Variants in STX8 observed in about 807,000 individuals in gnomAD.
STX8 encodes the protein syntaxin 8.
In STX8, 23 loss-of-function variants were observed where a neutral mutation model predicts 37.5. That is an observed-to-expected ratio of 0.61 (90% confidence interval 0.44 to 0.87). The LOEUF (loss-of-function observed/expected upper bound fraction) is 0.87, where lower values mean the gene tolerates loss of function less well. Among genes scored for constraint, STX8 ranks in the 40% least tolerant of loss-of-function variants. STX8 has a pLI of 0.00. For synonymous variants in STX8, 115 were observed against 99.1 expected (o/e 1.16, Z -0.95); for missense variants, 313 against 284.7 (o/e 1.10, Z -0.71).
chr17:9,516,951 C>G (rs916018618), intron 4 of STX8, among the ~76,000 whole-genome samples: 1 of 151,994 alleles, frequency 6.6e-6, no homozygotes, highest in Non-Finnish European at 1.5e-5. Context: ...GGATATGATA[C>G]CCTTGTTATT....
At chr17:9,333,549 A>C (rs190914457) in intron 7 of STX8, among the ~76,000 whole-genome samples, 1 of 151,804 alleles carries the variant, frequency 6.6e-6, no homozygotes, top group African/African-American at 2.4e-5. Context: ...CACCACGCCC[A>C]GCTAATATTT....
chr17:9,356,512 C>T (rs999438987), intron 7 of STX8, among the ~76,000 whole-genome samples: 2 of 152,204 alleles, frequency 1.3e-5, no homozygotes, highest in African/African-American at 4.8e-5. Flanking sequence ...CTTCTCTGCT[C>T]AGTCATGCTG....
intron 7 of STX8, among the ~76,000 whole-genome samples, chr17:9,284,619 A>C (rs1908011156): frequency 6.6e-6 from 1 of 152,198 alleles, no homozygotes; most frequent in African/African-American, 2.4e-5. Flanking sequence ...AAGTGTATAA[A>C]GCTACTCTTG....
rs181662325 is a variant in STX8 at position 9,525,547 on chromosome 17, C to T, written c.323+19625G>A. On this transcript the variant is annotated intron_variant, in intron 4 of 7. Coordinates refer to ENST00000306357, the MANE Select transcript of STX8 (RefSeq NM_004853.3). ...ATTTTTAGTAGAGACGGGGTTTCAC[C>T]GTGTTAGCCAGGATGGTCTCGATCT... Among the ~76,000 whole-genome samples the T allele has an allele frequency of 1.3e-3, 200 of 152,018 alleles. 1 individual carries two copies. Among genetic ancestry groups the T allele is most frequent in the African/African-American group, 4.5e-3 (188 of 41,490 alleles).
chr17:9,258,770 T>C (rs369350558), intron 7 of STX8, among the ~76,000 whole-genome samples: 18 of 152,346 alleles, frequency 1.2e-4, no homozygotes, highest in African/African-American at 4.3e-4. Context: ...AGGCTTCCTC[T>C]GTGGCTCCAG....
At chr17:9,352,693 G>A (rs187710161) in intron 7 of STX8, among the ~76,000 whole-genome samples, 2 of 151,020 alleles carry the variant, frequency 1.3e-5, no homozygotes, top group Non-Finnish European at 3.0e-5. Context: ...TAGTAGAGAC[G>A]GGGTTTCACC....
rs1461607687 is a variant in STX8, at chr17:9,385,519, CAGA to C, written c.542-6869_542-6867del. On this transcript the variant is annotated intron_variant, in intron 6 of 7. Transcript: ENST00000306357. ...GCAAAAGATCTGAACAGATGTTTTA[CAGA>C]AGAAGATATACAAATGGCCAATAAA... 2.6e-5 allele frequency among the ~76,000 whole-genome samples: 4 copies of C among 152,208 alleles called. 1 individual carries two copies. Among genetic ancestry groups the C allele is most frequent in the African/African-American group, 4.8e-5 (2 of 41,536 alleles).
chr17:9,496,420 G>A (rs1904410569), intron 5 of STX8, among the ~76,000 whole-genome samples: 1 of 152,158 alleles, frequency 6.6e-6, no homozygotes, highest in South Asian at 2.1e-4. Context: ...TGTCATAACT[G>A]CCAAAATCTG....
chr17:9,424,107 C>T (rs139499443), intron 6 of STX8, among the ~76,000 whole-genome samples: 6 of 152,236 alleles, frequency 3.9e-5, no homozygotes, highest in Non-Finnish European at 8.8e-5. Flanking sequence ...CTGCTCCAAC[C>T]ATATTTTTCC....
chr17:9,358,190 C>CA (rs1393229633), intron 7 of STX8, among the ~76,000 whole-genome samples: 30 of 151,886 alleles, frequency 2.0e-4, no homozygotes, highest in Non-Finnish European at 1.3e-4. Context: ...TCATCTCTAC[C>CA]AAAAAAACAA....
intron 6 of STX8, among the ~76,000 whole-genome samples, chr17:9,392,019 C>T (rs562995883): frequency 1.3e-5 from 2 of 152,232 alleles, no homozygotes; most frequent in Non-Finnish European, 2.9e-5. Flanking sequence ...TCACTGGCTA[C>T]TGCACCTGTG....
chr17:9,443,018 A>C (rs1025288336), intron 6 of STX8, among the ~76,000 whole-genome samples: 23 of 152,180 alleles, frequency 1.5e-4, no homozygotes, highest in Non-Finnish European at 3.4e-4. Context: ...TTATAGATTG[A>C]ACTAAGATAA....
intron 6 of STX8, among the ~76,000 whole-genome samples, chr17:9,429,681 C>T (rs142433836): frequency 0.071 from 8,230 of 115,392 alleles, 540 homozygotes; most frequent in African/African-American, 0.17. Flanking sequence ...CCAGCCTGGG[C>T]GACAGTGCAA....
At chr17:9,517,572 A>G (rs1905190733) in intron 4 of STX8, among the ~76,000 whole-genome samples, 1 of 152,126 alleles carries the variant, frequency 6.6e-6, no homozygotes, top group Admixed American at 6.5e-5. Flanking sequence ...CCTCAGGGCC[A>G]CCCACCTAGT....
At chr17:9,481,635 A>C (rs1373651812) in intron 6 of STX8, among the ~76,000 whole-genome samples, 2 of 152,160 alleles carry the variant, frequency 1.3e-5, no homozygotes, top group African/African-American at 4.8e-5. Context: ...GGAACCAAAA[A>C]TGAAGTATGC....
chr17:9,281,457 G>A lies in STX8; in HGVS notation c.644-30812C>T, dbSNP rs574609938. Among the ~76,000 whole-genome samples the A allele has an allele frequency of 4.6e-5, 7 of 152,246 alleles. No homozygotes were observed. In the East Asian group the frequency reaches 1.4e-3, roughly 29 times the overall value. ...GCCTAGTTCTAGAAATCTTGGAATT[G>A]CTGCGAGCAAGTTTTGACAGCACGA... is the stretch of plus-strand genomic sequence containing the variant. On this transcript the variant is annotated intron_variant, in intron 7 of 7. Transcript: ENST00000306357.
intron 5 of STX8, among the ~76,000 whole-genome samples, chr17:9,492,966 C>T (rs1041081392): frequency 6.6e-6 from 1 of 152,008 alleles, no homozygotes; most frequent in Non-Finnish European, 1.5e-5. Flanking sequence ...GGCCTGGTGG[C>T]AGACACCTGT....
chr17:9,509,642 G>C (rs62066197), intron 4 of STX8, among the ~76,000 whole-genome samples: 2 of 151,780 alleles, frequency 1.3e-5, no homozygotes, highest in Admixed American at 6.6e-5. Flanking sequence ...AGGAAAAAGA[G>C]AAAGAAATCA....
intron 6 of STX8, among the ~76,000 whole-genome samples, chr17:9,400,854 C>T (rs1423384555): frequency 1.3e-5 from 2 of 152,146 alleles, no homozygotes; most frequent in Non-Finnish European, 2.9e-5. Flanking sequence ...AGAATACAAC[C>T]TCCAACTGTG....
Sources: allele counts gnomAD v4.1 joint callset (sites outside exome capture counted in the v4.1 genomes callset), GRCh38; gene constraint gnomAD v4.1.1; transcripts MANE v1.5; gene names NCBI Gene and HGNC (gene_info 2026-07-23, HGNC 2026-07-21).